The following SAMHD1 variants were observed in gnomAD, a reference collection of about 807,000 sequenced individuals.
SAMHD1 encodes the protein deoxynucleoside triphosphate triphosphohydrolase SAMHD1.
Under a neutral mutation model 79.6 loss-of-function variants are expected in SAMHD1, and 54 were observed. The observed-to-expected ratio is 0.68, with a 90% confidence interval of 0.55 to 0.85. The LOEUF (loss-of-function observed/expected upper bound fraction) is 0.85, where lower values mean the gene tolerates loss of function less well. Among genes scored for constraint, SAMHD1 ranks in the 40% least tolerant of loss-of-function variants. The pLI is 0.00. For missense variants in SAMHD1, 663 were observed against 782.7 expected, an observed-to-expected ratio of 0.85 and a Z score of 1.82; for synonymous variants, 260 against 264.1, an observed-to-expected ratio of 0.98 and a Z score of 0.15.
At position 36,930,855 on chromosome 20, in the gene SAMHD1, C is replaced by T; in HGVS notation, c.530G>A (p.Cys177Tyr). ...HSLGVGYLAG[C>Y]LVHALGEKQP... ...TTTTTCACCCAGTGCGTGAACTAGA[C>T]ATCCTGCTAGATACCCCACCCTGCA... is the stretch of plus-strand genomic sequence containing the variant. The change falls in exon 5 of 16, where the codon TGT (cysteine) becomes TAT (tyrosine). Residue 177 changes from cysteine (C) to tyrosine (Y), a missense_variant. Coordinates refer to ENST00000646673, the MANE Select transcript of SAMHD1 (RefSeq NM_015474.4). 1 of 1,613,512 alleles carries T rather than the reference C, an allele frequency of 6.2e-7. No homozygotes were observed. The highest frequency in any genetic ancestry group is 8.5e-7 in the Non-Finnish European group (1 of 1,179,492).
At chr20:36,923,658 A>G (rs2063520095) in intron 6 of SAMHD1, among the ~76,000 whole-genome samples, 3 of 152,128 alleles carry the variant, frequency 2.0e-5, no homozygotes, top group African/African-American at 7.2e-5. Context: ...CTCCATCTCT[A>G]CAAATAAATA....
chr20:36,927,346 T>A (rs1192541176), intron 5 of SAMHD1, 94 bp from the exon 6 acceptor site: 3 of 1,041,174 alleles, frequency 2.9e-6, no homozygotes, highest in Non-Finnish European at 2.9e-6. Context: ...AGACGGAGTT[T>A]CGCTCTTGTT....
chr20:36,938,688 T>C (rs554322663), intron 3 of SAMHD1, among the ~76,000 whole-genome samples: 3 of 151,330 alleles, frequency 2.0e-5, no homozygotes, highest in African/African-American at 7.3e-5. Context: ...TACAAAAAAT[T>C]AGCTGGGCAT....
chr20:36,898,338 G>C, intron 14 of SAMHD1, 102 bp downstream of exon 14: 3 of 903,514 alleles, frequency 3.3e-6, no homozygotes, highest in Non-Finnish European at 5.5e-6. Context: ...CACTTTAATT[G>C]TAAAGATATG....
intron 11 of SAMHD1, among the ~76,000 whole-genome samples, chr20:36,906,981 T>A (rs979911196): frequency 4.6e-5 from 7 of 151,648 alleles, no homozygotes; most frequent in African/African-American, 7.3e-5. Context: ...CAGTAGAGAT[T>A]GGGTTTCCCC....
At chr20:36,948,254 CTT>C (rs931307608) in intron 1 of SAMHD1, among the ~76,000 whole-genome samples, 1 of 151,006 alleles carries the variant, frequency 6.6e-6, no homozygotes, top group Non-Finnish European at 1.5e-5. Context: ...TAAAGAGAGA[CTT>C]TTTTTTTCTT....
rs577536994 is a variant in SAMHD1, at chr20:36,909,911, G to A, written c.1270+1307C>T. On this transcript the variant is annotated intron_variant, in intron 11 of 15. Coordinates refer to ENST00000646673, the MANE Select transcript of SAMHD1 (RefSeq NM_015474.4). ...AGTCTGGGCAACATAATGGGACCCT[G>A]TCTCTACAAAAATTAAAAAAATTAC... 5.5e-4 allele frequency among the ~76,000 whole-genome samples: 83 copies of A among 151,814 alleles called. No individual in the cohort carries two copies. The South Asian group carries it at 0.01, about 19-fold the overall frequency.
chr20:36,919,752 T>C (rs544381628), intron 6 of SAMHD1, among the ~76,000 whole-genome samples: 2 of 152,302 alleles, frequency 1.3e-5, no homozygotes, highest in South Asian at 4.1e-4. Flanking sequence ...ATTTAATGCA[T>C]TTAATGATAT....
rs567354198 is a variant in SAMHD1, at chr20:36,935,937, G to A, written c.349-748C>T. 7.9e-5 allele frequency among the ~76,000 whole-genome samples: 12 copies of A among 152,012 alleles called. No homozygotes were observed. The East Asian group carries it at 1.4e-3, about 17-fold the overall frequency. ...ATTAAAACAGAAAAGAAAGAAGGGA[G>A]GCAGGGAAAGAAAGAAAGATGGAAA... is the stretch of plus-strand genomic sequence containing the variant. On this transcript the variant is annotated intron_variant, in intron 3 of 15. Transcript: ENST00000646673.
At chr20:36,912,643 A>G in intron 9 of SAMHD1, 91 bp from the exon 10 acceptor site, 2 of 888,982 alleles carry the variant, frequency 2.2e-6, no homozygotes, top group Non-Finnish European at 1.8e-6. Flanking sequence ...GAAAAGGGAT[A>G]GTGGCAGACA....
chr20:36,894,237 G>A, intron 15 of SAMHD1: 1 of 248,890 alleles, frequency 4.0e-6, no homozygotes, highest in South Asian at 2.6e-4. Flanking sequence ...TTTAAAAAAT[G>A]TGTTATTATT....
chr20:36,939,074 C>CAAAAAAAA, intron 3 of SAMHD1, among the ~76,000 whole-genome samples: 1 of 8,452 alleles, frequency 1.2e-4, no homozygotes, highest in Non-Finnish European at 1.7e-4. Flanking sequence ...ACTAAAAATA[C>CAAAAAAAA]CAAAAAAAAA....
At chr20:36,931,373 C>T (rs1279726234) in intron 4 of SAMHD1, among the ~76,000 whole-genome samples, 3 of 152,156 alleles carry the variant, frequency 2.0e-5, no homozygotes, top group Non-Finnish European at 4.4e-5. Context: ...CAGGGGCTCA[C>T]GCCTGTAATC....
In SAMHD1 at chr20:36,919,458, A is replaced by G; in HGVS notation, c.758T>C (p.Val253Ala). The change falls in exon 7 of 16, where the codon GTC becomes GCC. Residue 253 changes from valine to alanine, a missense_variant. Transcript: ENST00000646673. ...HLINSNGIKP[V>A]MEQYGLIPEE... is the part of the protein sequence containing the mutation. ...AGGGATGAGACCATATTGTTCCATG[A>G]CAGGCTTAATTCCATTAGAATTAAT... is the stretch of plus-strand genomic sequence containing the variant. 6.2e-7 allele frequency: 1 copy of G among 1,613,582 alleles called. No individual in the cohort carries two copies. Among genetic ancestry groups the G allele is most frequent in the Non-Finnish European group, 8.5e-7 (1 of 1,179,624 alleles).
chr20:36,938,307 C>T (rs1307576520), intron 3 of SAMHD1, among the ~76,000 whole-genome samples: 2 of 151,402 alleles, frequency 1.3e-5, no homozygotes, highest in Admixed American at 6.6e-5. Flanking sequence ...TTTGGAAGGC[C>T]GAGGCAGGCA....
At chr20:36,913,935 G>A (rs1221095464) in intron 9 of SAMHD1, among the ~76,000 whole-genome samples, 1 of 151,622 alleles carries the variant, frequency 6.6e-6, no homozygotes, top group East Asian at 1.9e-4. Context: ...TGTATTTTCA[G>A]TAGAGACAGG....
intron 3 of SAMHD1, among the ~76,000 whole-genome samples, chr20:36,935,677 T>G (rs1164495507): frequency 6.6e-6 from 1 of 151,928 alleles, no homozygotes; most frequent in Non-Finnish European, 1.5e-5. Flanking sequence ...TTCAAGCTAT[T>G]CTCCTGCCTC....
At chr20:36,931,743 A>C (rs1260580984) in intron 4 of SAMHD1, among the ~76,000 whole-genome samples, 2 of 152,202 alleles carry the variant, frequency 1.3e-5, no homozygotes, top group Non-Finnish European at 2.9e-5. Context: ...ATCCATCAAC[A>C]AATGAATGTA....
chr20:36,928,285 A>C (rs2063548323), intron 5 of SAMHD1, among the ~76,000 whole-genome samples: 1 of 152,078 alleles, frequency 6.6e-6, no homozygotes, highest in African/African-American at 2.4e-5. Context: ...GCTACTCGGG[A>C]GGCTGAGACA....
Sources: allele counts gnomAD v4.1 joint callset (sites outside exome capture counted in the v4.1 genomes callset), GRCh38; gene constraint gnomAD v4.1.1; transcripts MANE v1.5; gene names NCBI Gene and HGNC (gene_info 2026-07-23, HGNC 2026-07-21).